RBM38: variants seen among roughly 807,000 people sequenced by gnomAD.
RBM38 encodes RNA binding motif protein 38.
In RBM38, 11 loss-of-function variants were observed where a neutral mutation model predicts 23.5. That is an observed-to-expected ratio of 0.47 (90% CI 0.29 to 0.77). RBM38 has a LOEUF of 0.77. Among genes scored for constraint, RBM38 ranks in the 30% least tolerant of loss-of-function variants. The probability of loss-of-function intolerance (pLI) is 0.08; values close to 1 mark genes in which losing one functional copy is unlikely to be tolerated. For synonymous variants in RBM38, 165 were observed against 166.1 expected, an observed-to-expected ratio of 0.99 and a Z score of 0.05; for missense variants, 330 against 351.9, an observed-to-expected ratio of 0.94 and a Z score of 0.50.
intron 3 of RBM38, among the ~76,000 whole-genome samples, chr20:57,405,691 G>A (rs73917118): frequency 0.17 from 25,501 of 152,118 alleles, 2,548 homozygotes; most frequent in Middle Eastern, 0.28. Flanking sequence ...AGGATCCACT[G>A]AGTGCACCTG....
At chr20:57,396,552 G>C (rs2067276458) in intron 3 of RBM38, among the ~76,000 whole-genome samples, 1 of 152,232 alleles carries the variant, frequency 6.6e-6, no homozygotes, top group South Asian at 2.1e-4. Context: ...TGAAGGGCCA[G>C]CTGCTTCCCT....
chr20:57,400,180 G>A (rs1229544898), intron 3 of RBM38, among the ~76,000 whole-genome samples: 3 of 152,204 alleles, frequency 2.0e-5, no homozygotes, highest in African/African-American at 4.8e-5. Flanking sequence ...TGGTCCATGC[G>A]ACTTGGACAG....
chr20:57,403,655 T>C (rs1301176350), intron 3 of RBM38, among the ~76,000 whole-genome samples: 1 of 151,952 alleles, frequency 6.6e-6, no homozygotes, highest in Non-Finnish European at 1.5e-5. Flanking sequence ...AGAGTTTTGC[T>C]CTTTCGCCCA....
intron 3 of RBM38, among the ~76,000 whole-genome samples, chr20:57,401,128 CCT>C (rs1464320210): frequency 5.9e-5 from 9 of 152,340 alleles, no homozygotes; most frequent in African/African-American, 2.2e-4. Context: ...GCTGCTGCCC[CCT>C]GACCTGGGGC....
intron 3 of RBM38, 34 bp downstream of exon 3, chr20:57,393,367 C>G: frequency 6.2e-7 from 1 of 1,607,478 alleles, no homozygotes; most frequent in South Asian, 1.1e-5. Context: ...GGTGGGTAGT[C>G]CGTGGAGATG....
intron 3 of RBM38, 36 bp downstream of exon 3, chr20:57,393,369 G>A (rs943743776): frequency 6.2e-6 from 10 of 1,605,820 alleles, no homozygotes; most frequent in South Asian, 2.2e-5. Flanking sequence ...TGGGTAGTCC[G>A]TGGAGATGAA....
rs1232539879 is a variant in RBM38 at position 57,391,699 on chromosome 20, G to C, written c.118G>C (p.Gly40Arg). The C allele has an allele frequency of 3.3e-6, 5 of 1,520,630 alleles. No homozygotes were observed. Among genetic ancestry groups the C allele is most frequent in the South Asian group, 1.2e-5 (1 of 81,500 alleles). The allele number at this position is 1,520,630 out of a possible 1,614,324, so 94.2% of individuals were successfully genotyped here. A position where few individuals can be genotyped will look rare whatever the true frequency, so the allele number is the denominator to read the frequency against. The change falls in exon 1 of 4, where the codon GGC becomes CGC. Residue 40 changes from glycine (G) to arginine (R), a missense_variant. By Grantham distance (125) the Gly-to-Arg change is moderately radical (BLOSUM62 -2). Transcript: ENST00000356208. ...DTTFTKIFVG[G>R]LPYHTTDASL... is the part of the protein sequence containing the mutation. Reference sequence around the variant, plus strand: ...CACGTTCACCAAGATCTTCGTGGGCGGCCTGCCGTACCACACTACCGACGC... The same window carrying C: ...CACGTTCACCAAGATCTTCGTGGGCCGCCTGCCGTACCACACTACCGACGC...
chr20:57,392,830 C>G, intron 2 of RBM38, 53 bp downstream of exon 2: 1 of 1,588,568 alleles, frequency 6.3e-7, no homozygotes, highest in Non-Finnish European at 8.6e-7. Context: ...TATTGGGTGT[C>G]GGTATCTGTC....
rs184802796 is a variant in RBM38 at position 57,409,255 on chromosome 20, A to G, written c.*1409A>G. ...GGACAGAGTCAAGGCTCAGAGAATA[A>G]AGGTAGCTAATCTCATCATAATATT... is the stretch of plus-strand genomic sequence containing the variant. On this transcript the variant is annotated 3_prime_UTR_variant, in exon 4 of 4. Coordinates refer to ENST00000356208, the MANE Select transcript of RBM38 (RefSeq NM_017495.6). The G allele has an allele frequency of 2.1e-3, 328 of 152,706 alleles. 6 individuals carry two copies. The highest frequency in any genetic ancestry group is 1.5e-4 in the Non-Finnish European group (10 of 68,022). 9.5% of individuals were successfully genotyped at this position (152,706 alleles called of 1,614,324 possible).
chr20:57,404,221 TTC>T (rs2067358595), intron 3 of RBM38, among the ~76,000 whole-genome samples: 1 of 152,250 alleles, frequency 6.6e-6, no homozygotes, highest in African/African-American at 2.4e-5. Flanking sequence ...GGCACTTGTG[TTC>T]TGTGTCCCTG....
At position 57,391,617 on chromosome 20, in the gene RBM38, G is replaced by C. The variant is rs1408361703; in HGVS notation, c.36G>C (p.Ala12=). 7.0e-7 allele frequency: 1 copy of C among 1,425,812 alleles called. No homozygotes were observed. The highest frequency in any genetic ancestry group is 9.3e-7 in the Non-Finnish European group (1 of 1,079,058). The allele number at this position is 1,425,812 out of a possible 1,614,324, so 88.3% of individuals were successfully genotyped here. A position where few individuals can be genotyped will look rare whatever the true frequency, so the allele number is the denominator to read the frequency against. ...AGCCCGCGCCGTGCGCCCCGAGCGC[G>C]GGCTTCCCGCGGCCCCTGGCCGCCC... The part of the protein sequence containing the change: ...LLQPAPCAPS[A]GFPRPLAAPG... Residue 12 remains alanine, a synonymous_variant, in exon 1 of 4, where the codon GCG becomes GCC. Transcript: ENST00000356208.
intron 1 of RBM38, chr20:57,392,192 C>G (rs977831328): frequency 3.1e-6 from 1 of 324,682 alleles, no homozygotes; most frequent in Admixed American, 4.4e-5. Flanking sequence ...GCTCTTCGGC[C>G]TCCCCCATAT....
intron 1 of RBM38, chr20:57,392,393 G>T (rs977877036): frequency 1.3e-6 from 2 of 1,509,382 alleles, no homozygotes; most frequent in Admixed American, 2.0e-5. Context: ...CCCTATCCCC[G>T]CAGGGGATTA....
At chr20:57,392,061 G>A (rs1353942480) in intron 1 of RBM38, among the ~76,000 whole-genome samples, 1 of 86,706 alleles carries the variant, frequency 1.2e-5, no homozygotes, top group Non-Finnish European at 2.4e-5. Flanking sequence ...TTAAAAGGAA[G>A]AGCCGCTGTG....
chr20:57,393,336 G>GATCC lies in RBM38; in HGVS notation c.416+4_416+5insTCCA. The stretch of plus-strand genomic sequence containing the variant: ...ACCTTGATCCAGCGGACTTACGGGT[G>GATCC]AGTGGACATGGCTGGCTTGGGGTGG... On this transcript the variant is annotated splice_donor_region_variant and intron_variant, in intron 3 of 3. Coordinates refer to ENST00000356208, the MANE Select transcript of RBM38 (RefSeq NM_017495.6). 1 of 1,613,548 alleles carries GATCC rather than the reference G, an allele frequency of 6.2e-7. No homozygotes were observed. The highest frequency in any genetic ancestry group is 8.5e-7 in the Non-Finnish European group (1 of 1,179,780).
intron 3 of RBM38, among the ~76,000 whole-genome samples, chr20:57,406,656 C>T (rs551335330): frequency 2.0e-5 from 3 of 152,282 alleles, no homozygotes; most frequent in East Asian, 1.9e-4. Context: ...CACATCCTCA[C>T]GGAGCTGCTG....
In RBM38 at chr20:57,404,653, C is replaced by T. The variant is rs180845480; in HGVS notation, c.417-2890C>T. ...TGTGCCACCCACCGGGCCTTTGTTC[C>T]GTCAGCACCATGTGCCCAGTGCCTC... On this transcript the variant is annotated intron_variant, in intron 3 of 3. Transcript: ENST00000356208. Among the ~76,000 whole-genome samples, 303 of 152,358 alleles carry T rather than the reference C, an allele frequency of 2.0e-3. 1 individual carries two copies. Among genetic ancestry groups the T allele is most frequent in the African/African-American group, 4.0e-3 (168 of 41,590 alleles).
rs758497196 is a variant in RBM38 at position 57,407,603 on chromosome 20, C to T, written c.477C>T (p.Ala159=). The change falls in exon 4 of 4, where the codon GCC becomes GCT. Residue 159 remains alanine, a synonymous_variant. Coordinates refer to ENST00000356208, the MANE Select transcript of RBM38 (RefSeq NM_017495.6). The surrounding 1 kb of genome is among the most constrained non-coding windows in gnomAD (Gnocchi z 4.0). ...TGCAGCCCAGCGTGGTGATCCCAGC[C>T]GCCCCTGTCCCGTCGCTGTCCTCGC... ...AIVQPSVVIP[A]APVPSLSSPY... The T allele has an allele frequency of 6.6e-5, 106 of 1,613,666 alleles. No individual in the cohort carries two copies. The Admixed American group carries it at 1.6e-3, about 24-fold the overall frequency.
intron 3 of RBM38, among the ~76,000 whole-genome samples, chr20:57,404,330 G>GA (rs2067359895): frequency 1.3e-5 from 2 of 152,390 alleles, no homozygotes; most frequent in Admixed American, 1.3e-4. Flanking sequence ...GTCTGCATGG[G>GA]ATCCACATTT....
Sources: allele counts gnomAD v4.1 joint callset (sites outside exome capture counted in the v4.1 genomes callset), GRCh38; gene constraint gnomAD v4.1.1; non-coding constraint Gnocchi (gnomAD v3.1); transcripts MANE v1.5; gene names NCBI Gene and HGNC (gene_info 2026-07-23, HGNC 2026-07-21).